CNNM4: variants seen among roughly 807,000 people sequenced by gnomAD.
CNNM4 encodes metal transporter CNNM4.
CNNM4 carries 32 observed loss-of-function variants against 53.7 expected under a neutral mutation model. The observed-to-expected ratio is 0.60, with a 90% confidence interval of 0.45 to 0.80. The LOEUF (loss-of-function observed/expected upper bound fraction) is 0.80. CNNM4 is among the 30% of genes least tolerant of loss of function. The pLI is 0.00. For missense variants in CNNM4, 784 were observed against 1,022.0 expected (o/e 0.77, Z 3.17); for synonymous variants, 410 against 440.0 (o/e 0.93, Z 0.85).
chr2:96,787,261 C>T (rs1251315467), intron 1 of CNNM4, among the ~76,000 whole-genome samples: 4 of 152,178 alleles, frequency 2.6e-5, no homozygotes, highest in Admixed American at 2.0e-4. Flanking sequence ...AAAAATTGAA[C>T]TTCCAACGGT....
chr2:96,761,425 C>T lies in CNNM4; in HGVS notation c.426C>T (p.Ser142=), dbSNP rs1362076464. ...LVVLTKFLRR[S]ESMKLYALCT... ...TGCTCACCAAGTTCCTCCGGAGGAG[C>T]GAGAGCATGAAGCTGTATGCACTGT... The change falls in exon 1 of 7, where the codon AGC becomes AGT. Residue 142 remains serine (S), a synonymous_variant. Transcript: ENST00000377075. This position sits in a 1 kb window ranked among gnomAD's most constrained non-coding sequence, Gnocchi z 6.0. 6.2e-7 allele frequency: 1 copy of T among 1,614,078 alleles called. No homozygotes were observed. The highest frequency in any genetic ancestry group is 1.1e-5 in the South Asian group (1 of 91,078).
intron 1 of CNNM4, among the ~76,000 whole-genome samples, chr2:96,770,920 A>G (rs1558981534): frequency 6.6e-6 from 1 of 152,212 alleles, no homozygotes. Flanking sequence ...CCTTCTCCCC[A>G]GCCCGTGGGG....
intron 1 of CNNM4, among the ~76,000 whole-genome samples, chr2:96,772,434 G>GTGCACACA (rs1558982303): frequency 2.0e-5 from 2 of 101,372 alleles, no homozygotes; most frequent in Admixed American, 1.2e-4. Context: ...ACACACATGC[G>GTGCACACA]CACACACACT....
intron 1 of CNNM4, among the ~76,000 whole-genome samples, chr2:96,782,212 GA>G (rs1340560080): frequency 1.8e-4 from 27 of 152,178 alleles, no homozygotes; most frequent in African/African-American, 6.0e-4. Flanking sequence ...AGGCTGAGAC[GA>G]ATGGATTGCT....
intron 5 of CNNM4, among the ~76,000 whole-genome samples, chr2:96,806,535 A>ACACACACACACACGCACG (rs374638753): frequency 2.4e-5 from 3 of 123,944 alleles, no homozygotes; most frequent in African/African-American, 8.7e-5. Context: ...ACACACACAC[A>ACACACACACACACGCACG]CGCGCGCGCG....
Position 96,801,206 on chromosome 2 carries a change from C to G in CNNM4, c.1948+1558C>G. On this transcript the variant is annotated intron_variant, in intron 5 of 6. Coordinates refer to ENST00000377075, the MANE Select transcript of CNNM4 (RefSeq NM_020184.4). This position sits in a 1 kb window ranked among gnomAD's most constrained non-coding sequence, Gnocchi z 5.6. Reference sequence around the variant, plus strand: ...CTGCACACTGCAGCTGCATTAACCTCCCCACATGGACCCGGACCCCCGCCT... The same window carrying G: ...CTGCACACTGCAGCTGCATTAACCTGCCCACATGGACCCGGACCCCCGCCT... 1.2e-6 allele frequency: 1 copy of G among 829,942 alleles called. No individual in the cohort carries two copies. The highest frequency in any genetic ancestry group is 1.8e-5 in the African/African-American group (1 of 54,266). 51.4% of individuals were successfully genotyped at this position (829,942 alleles called of 1,614,324 possible).
intron 1 of CNNM4, among the ~76,000 whole-genome samples, chr2:96,763,135 C>A (rs1383754726): frequency 4.6e-5 from 7 of 152,150 alleles, no homozygotes. Context: ...TCAGCAGAAG[C>A]AAGCAGATTA....
At chr2:96,786,797 A>G (rs1427780008) in intron 1 of CNNM4, among the ~76,000 whole-genome samples, 1 of 151,368 alleles carries the variant, frequency 6.6e-6, no homozygotes, top group Non-Finnish European at 1.5e-5. Flanking sequence ...AAAAAAAAAA[A>G]AAAAAAAGTC....
At chr2:96,795,797 G>C (rs1230302963) in intron 1 of CNNM4, among the ~76,000 whole-genome samples, 1 of 152,148 alleles carries the variant, frequency 6.6e-6, no homozygotes, top group African/African-American at 2.4e-5. Flanking sequence ...TCCTGCGAGT[G>C]GGGTATGGCA....
chr2:96,798,720 C>T (rs775888518), intron 3 of CNNM4, among the ~76,000 whole-genome samples: 1 of 152,186 alleles, frequency 6.6e-6, no homozygotes, highest in Non-Finnish European at 1.5e-5. Flanking sequence ...TGTCCATGTG[C>T]TATCCCATTC....
Position 96,809,651 on chromosome 2 carries a change from C to A in CNNM4, c.*134C>A. The A allele has an allele frequency of 1.3e-6, 1 of 783,032 alleles. No individual in the cohort carries two copies. The highest frequency in any genetic ancestry group is 2.1e-6 in the Non-Finnish European group (1 of 480,974). 48.5% of individuals were successfully genotyped at this position (783,032 alleles called of 1,614,324 possible). A position where few individuals can be genotyped will look rare whatever the true frequency, so the allele number is the denominator to read the frequency against. On this transcript the variant is annotated 3_prime_UTR_variant, in exon 7 of 7. Transcript: ENST00000377075. ...GACTGAACAGCCAGATGGCCCCCAG[C>A]CTATGGGGGATCTGGCCTCTGCCAG...
Position 96,762,172 on chromosome 2 carries a change from C to T in CNNM4, c.1173C>T (p.Ile391=), listed in dbSNP as rs747057196. The change falls in exon 1 of 7, where the codon ATC becomes ATT. Residue 391 remains isoleucine (I), a synonymous_variant. Transcript: ENST00000377075. ...QDCFMIRSDA[I]LDFNTMSEIM... is the part of the protein sequence containing the mutation. ...GCTTCATGATCCGCAGCGATGCCAT[C>T]CTGGACTTCAACACCATGTCGGAGA... The T allele has an allele frequency of 1.6e-5, 26 of 1,614,054 alleles. No individual in the cohort carries two copies. Among genetic ancestry groups the T allele is most frequent in the South Asian group, 2.2e-5 (2 of 91,084 alleles).
rs1216799604 is a variant in CNNM4, at chr2:96,761,836, T to C, written c.837T>C (p.Ile279=). ...LMAVASSTIG[I]VIFGEILPQA... ...CGGTGGCCTCCTCCACCATTGGCAT[T>C]GTCATCTTTGGGGAGATCCTACCTC... Residue 279 remains isoleucine, a synonymous_variant, in exon 1 of 7, where the codon ATT becomes ATC. Coordinates refer to ENST00000377075, the MANE Select transcript of CNNM4 (RefSeq NM_020184.4). The surrounding 1 kb of genome is among the most constrained non-coding windows in gnomAD (Gnocchi z 6.0). 1 of 1,614,154 alleles carries C rather than the reference T, an allele frequency of 6.2e-7. No individual in the cohort carries two copies. Among genetic ancestry groups the C allele is most frequent in the South Asian group, 1.1e-5 (1 of 91,078 alleles).
intron 1 of CNNM4, among the ~76,000 whole-genome samples, chr2:96,772,539 A>G (rs1449821609): frequency 2.4e-5 from 3 of 126,996 alleles, no homozygotes; most frequent in Non-Finnish European, 3.2e-5. Flanking sequence ...GCACTCACAC[A>G]CACATGCGTG....
chr2:96,779,475 C>G (rs1468980799), intron 1 of CNNM4, among the ~76,000 whole-genome samples: 3 of 148,144 alleles, frequency 2.0e-5, no homozygotes, highest in African/African-American at 7.6e-5. Context: ...TGCCACTGCC[C>G]TCCAGCCTGG....
In CNNM4 at chr2:96,799,601, G is replaced by A. The variant is rs1304707214; in HGVS notation, c.1901G>A (p.Gly634Asp). The change falls in exon 5 of 7, where the codon GGC (glycine) becomes GAC (aspartate). Residue 634 changes from glycine (G) to aspartate (D), a missense_variant. Gly to Asp is a moderately conservative substitution (Grantham distance 94). Coordinates refer to ENST00000377075, the MANE Select transcript of CNNM4 (RefSeq NM_020184.4). ...AAGGAGAACATGAAGTTTGAGACGG[G>A]CGCCTTCTCCTACTATGGGACTATG... ...AGKENMKFET[G>D]AFSYYGTMAL... 6 of 1,554,614 alleles carry A rather than the reference G, an allele frequency of 3.9e-6. No individual in the cohort carries two copies. The highest frequency in any genetic ancestry group is 5.2e-6 in the Non-Finnish European group (6 of 1,148,528).
At chr2:96,780,905 AT>A (rs533619617) in intron 1 of CNNM4, among the ~76,000 whole-genome samples, 145 of 116,894 alleles carry the variant, frequency 1.2e-3, no homozygotes, top group Middle Eastern at 5.2e-3. Context: ...CACCCAGCTA[AT>A]TTTTTTTTTT....
intron 1 of CNNM4, among the ~76,000 whole-genome samples, chr2:96,767,787 AAATCCTCCTGGCTGTGGCTCACGCCTGT>A (rs1477802751): frequency 2.0e-5 from 3 of 152,210 alleles, no homozygotes; most frequent in Non-Finnish European, 2.9e-5. Flanking sequence ...TTCATTAAAA[AAATCCTCCTGGCTGTGGCTCACGCCTGT>A]AATCCTAGCA....
At chr2:96,805,439 T>TTA (rs397868328) in intron 5 of CNNM4, among the ~76,000 whole-genome samples, 70 of 129,354 alleles carry the variant, frequency 5.4e-4, no homozygotes, top group African/African-American at 1.9e-3. Context: ...TTTTTTTTTT[T>TTA]ATTATTTTTT....
Sources: allele counts gnomAD v4.1 joint callset (sites outside exome capture counted in the v4.1 genomes callset), GRCh38; gene constraint gnomAD v4.1.1; non-coding constraint Gnocchi (gnomAD v3.1); transcripts MANE v1.5; gene names NCBI Gene and HGNC (gene_info 2026-07-23, HGNC 2026-07-21).